ING4: variants seen among roughly 807,000 people sequenced by gnomAD.
ING4 encodes inhibitor of growth protein 4.
In ING4, 28 loss-of-function variants were observed where a neutral mutation model predicts 33.1. That is an observed-to-expected ratio of 0.85 (90% CI 0.63 to 1.16). ING4 has a LOEUF of 1.16. Among genes scored for constraint, ING4 ranks in the 50% most tolerant of loss-of-function variants. ING4 has a pLI of 0.00. For synonymous variants in ING4, 87 were observed against 104.4 expected (o/e 0.83, Z 1.02); for missense variants, 247 against 314.7 (o/e 0.78, Z 1.63).
intron 1 of ING4, among the ~76,000 whole-genome samples, chr12:6,658,570 C>G (rs952505550): frequency 6.6e-6 from 1 of 152,018 alleles, no homozygotes; most frequent in African/African-American, 2.4e-5. Context: ...CCTGTAATCC[C>G]AGCTACTTGG....
chr12:6,658,806 C>T (rs1949453950), intron 1 of ING4, among the ~76,000 whole-genome samples: 1 of 152,168 alleles, frequency 6.6e-6, no homozygotes, highest in South Asian at 2.1e-4. Flanking sequence ...GCTTTCTGGC[C>T]CTTGCTTACC....
At chr12:6,661,091 G>A (rs1949532734) in intron 1 of ING4, among the ~76,000 whole-genome samples, 1 of 150,396 alleles carries the variant, frequency 6.6e-6, no homozygotes, top group Non-Finnish European at 1.5e-5. Flanking sequence ...ACCGCTCCCA[G>A]CCTTTTTGTT....
chr12:6,650,813 G>C lies in ING4; in HGVS notation c.*382C>G. ...TGATCACACCTAGCCCTCACCACAG[G>C]AGGGGGAATGAAGAGGTCTGGGGGA... On this transcript the variant is annotated 3_prime_UTR_variant, in exon 8 of 8. Transcript: ENST00000341550. The C allele has an allele frequency of 3.7e-6, 1 of 268,694 alleles. No homozygotes were observed. Among genetic ancestry groups the C allele is most frequent in the Non-Finnish European group, 7.3e-6 (1 of 137,078 alleles). The allele number at this position is 268,694 out of a possible 1,614,324, so 16.6% of individuals were successfully genotyped here.
chr12:6,661,049 C>G (rs763197542), intron 1 of ING4, among the ~76,000 whole-genome samples: 2 of 151,762 alleles, frequency 1.3e-5, no homozygotes, highest in African/African-American at 4.8e-5. Flanking sequence ...CCATCTCAGC[C>G]TCCCAATGTG....
At chr12:6,661,889 T>G (rs1320053321) in intron 1 of ING4, among the ~76,000 whole-genome samples, 2 of 152,168 alleles carry the variant, frequency 1.3e-5, no homozygotes, top group African/African-American at 2.4e-5. Flanking sequence ...CACTAATTGA[T>G]CTCTGTTATC....
At chr12:6,653,103 A>G (rs2136265597) in intron 3 of ING4, 53 bp from the exon 4 acceptor site, 2 of 1,601,252 alleles carry the variant, frequency 1.2e-6, no homozygotes, top group Middle Eastern at 3.3e-4. Context: ...CCAATTAAAG[A>G]AAATAGGTTA....
chr12:6,663,017 C>T (rs1949607688), intron 1 of ING4, 48 bp downstream of exon 1: 5 of 1,594,182 alleles, frequency 3.1e-6, no homozygotes, highest in Non-Finnish European at 4.3e-6. Flanking sequence ...CATCCCTGAT[C>T]CCCGCACCAC....
intron 1 of ING4, among the ~76,000 whole-genome samples, chr12:6,659,919 C>T (rs1592332238): frequency 1.3e-5 from 2 of 151,686 alleles, no homozygotes; most frequent in Admixed American, 1.3e-4. Context: ...GTAGAGGTTG[C>T]AGCCCGGGCA....
At chr12:6,662,150 T>C (rs978272530) in intron 1 of ING4, among the ~76,000 whole-genome samples, 2 of 152,146 alleles carry the variant, frequency 1.3e-5, no homozygotes, top group Non-Finnish European at 2.9e-5. Flanking sequence ...TTGCGGATGC[T>C]TTCCCCAACC....
chr12:6,651,095 A>ACTC lies in ING4; in HGVS notation c.*97_*99dup. On this transcript the variant is annotated 3_prime_UTR_variant, in exon 8 of 8. Transcript: ENST00000341550. ...AAGGGATGACAGCACTGTGCCATCC[A>ACTC]CTCCTCCCTGAACCCCTGGCCCCAG... 2.3e-6 allele frequency: 3 copies of ACTC among 1,308,640 alleles called. No individual in the cohort carries two copies. The highest frequency in any genetic ancestry group is 2.2e-6 in the Non-Finnish European group (2 of 909,560). 81.1% of individuals were successfully genotyped at this position (1,308,640 alleles called of 1,614,324 possible).
intron 5 of ING4, 118 bp from the exon 6 acceptor site, chr12:6,652,536 A>G: frequency 7.2e-7 from 1 of 1,381,238 alleles, no homozygotes; most frequent in Non-Finnish European, 1.0e-6. Flanking sequence ...TCCAGCAGAT[A>G]CCAAAATGAT....
At position 6,651,248 on chromosome 12, in the gene ING4, G is replaced by A. The variant is rs752489636; in HGVS notation, c.708-14C>T. ...CGTGGGCAAAACCTGAAACAGAGAAGGGGAGAGAAAAGTGAGTGAAAGGGA... is the reference window on the plus strand; with the variant it reads ...CGTGGGCAAAACCTGAAACAGAGAAAGGGAGAGAAAAGTGAGTGAAAGGGA... On this transcript the variant is annotated splice_polypyrimidine_tract_variant and intron_variant, in intron 7 of 7. Transcript: ENST00000341550. 2 of 1,614,156 alleles carry A rather than the reference G, an allele frequency of 1.2e-6. No individual in the cohort carries two copies. Among genetic ancestry groups the A allele is most frequent in the Admixed American group, 1.7e-5 (1 of 60,028 alleles).
intron 1 of ING4, among the ~76,000 whole-genome samples, chr12:6,660,597 G>C (rs1949516592): frequency 6.6e-6 from 1 of 151,828 alleles, no homozygotes; most frequent in South Asian, 2.1e-4. Context: ...GACAGAGTGA[G>C]ACTCTGTCTC....
chr12:6,657,938 A>G (rs1361356419), intron 1 of ING4: 1 of 151,584 alleles, frequency 6.6e-6, no homozygotes, highest in Non-Finnish European at 1.5e-5. Context: ...CCAAAAAAAA[A>G]AAAAAAAGCT....
At chr12:6,655,915 T>C (rs762010414) in intron 2 of ING4, 2 of 456,242 alleles carry the variant, frequency 4.4e-6, no homozygotes, top group African/African-American at 2.0e-5. Context: ...CTAATGCTTC[T>C]GTAAGTGTGA....
In ING4 at chr12:6,656,722, C is replaced by T; in HGVS notation, c.109+5G>A. ...AGATACAAAAACTTTTTACTCTATA[C>T]ATACCCTCTGTTCTTTGGTCTAGGT... On this transcript the variant is annotated splice_donor_5th_base_variant and intron_variant, in intron 2 of 7. Coordinates refer to ENST00000341550, the MANE Select transcript of ING4 (RefSeq NM_016162.4). The T allele has an allele frequency of 6.5e-7, 1 of 1,547,196 alleles. No homozygotes were observed. Among genetic ancestry groups the T allele is most frequent in the Non-Finnish European group, 8.7e-7 (1 of 1,143,298 alleles).
At position 6,650,691 on chromosome 12, in the gene ING4, G is replaced by C. The variant is rs560552707; in HGVS notation, c.*504C>G. ...TCCCAGGATGAATCCTCTTGGCACA[G>C]AGGAAGGGGTGCCCCTTCAACTAGG... On this transcript the variant is annotated 3_prime_UTR_variant, in exon 8 of 8. Transcript: ENST00000341550. The C allele has an allele frequency of 1.8e-5, 3 of 164,104 alleles. No homozygotes were observed. The highest frequency in any genetic ancestry group is 4.1e-5 in the Non-Finnish European group (3 of 73,874). The allele number at this position is 164,104 out of a possible 1,614,324, so 10.2% of individuals were successfully genotyped here.
intron 1 of ING4, among the ~76,000 whole-genome samples, chr12:6,660,649 A>T (rs536387406): frequency 1.3e-5 from 2 of 149,596 alleles, no homozygotes; most frequent in Admixed American, 6.6e-5. Context: ...TAAAATAAAT[A>T]AAAAAAAATA....
At chr12:6,653,121 G>A (rs1949238156) in intron 3 of ING4, 71 bp from the exon 4 acceptor site, 13 of 1,595,788 alleles carry the variant, frequency 8.1e-6, no homozygotes, top group Non-Finnish European at 9.5e-6. Flanking sequence ...TTAAGGCAGA[G>A]TTTATGGATC....
Sources: gnomAD v4.1 joint callset for allele counts (sites outside exome capture counted in the v4.1 genomes callset) on GRCh38, gnomAD v4.1.1 for gene constraint, MANE v1.5 for transcripts, NCBI Gene and HGNC (gene_info 2026-07-23, HGNC 2026-07-21) for gene names.